GALNTL6: variants seen among roughly 807,000 people sequenced by gnomAD.
GALNTL6 encodes polypeptide N-acetylgalactosaminyltransferase like 6, also known as polypeptide N-acetylgalactosaminyltransferase-like 6.
GALNTL6 carries 46 observed loss-of-function variants against 73.7 expected under a neutral mutation model. The observed-to-expected ratio is 0.62, with a 90% CI of 0.49 to 0.80. The LOEUF (loss-of-function observed/expected upper bound fraction) is 0.80. Ranked by LOEUF, GALNTL6 falls within the 30% of genes least tolerant of loss-of-function variation. The pLI is 0.00. For synonymous variants in GALNTL6, 259 were observed against 263.7 expected (o/e 0.98, Z 0.17); for missense variants, 604 against 755.0 (o/e 0.80, Z 2.34).
chr4:172,558,204 G>C (rs1163792135), intron 5 of GALNTL6, among the ~76,000 whole-genome samples: 2 of 152,184 alleles, frequency 1.3e-5, no homozygotes, highest in Non-Finnish European at 2.9e-5. Flanking sequence ...GTTGCCATTT[G>C]TGTGGGCAAG....
At chr4:172,596,060 A>G (rs1053458346) in intron 5 of GALNTL6, among the ~76,000 whole-genome samples, 5 of 152,216 alleles carry the variant, frequency 3.3e-5, no homozygotes, top group African/African-American at 1.2e-4. Context: ...TTACTATTAC[A>G]TTTTAAATAC....
chr4:172,413,371 G>T (rs1744513001), intron 5 of GALNTL6, among the ~76,000 whole-genome samples: 1 of 152,108 alleles, frequency 6.6e-6, no homozygotes, highest in South Asian at 2.1e-4. Flanking sequence ...TCATAACATT[G>T]CCCTAGAGGC....
At chr4:173,009,367 G>A (rs1358342824) in intron 11 of GALNTL6, 73 bp downstream of exon 11, 2 of 905,608 alleles carry the variant, frequency 2.2e-6, no homozygotes, top group Non-Finnish European at 3.7e-6. Context: ...GGATGCAGCT[G>A]GAACAAATCT....
At chr4:172,707,702 G>A (rs1473808186) in intron 5 of GALNTL6, among the ~76,000 whole-genome samples, 1 of 152,084 alleles carries the variant, frequency 6.6e-6, no homozygotes. Flanking sequence ...GGGAGATTAG[G>A]CTCAACTCCA....
chr4:172,246,038 T>G (rs1257914592), intron 3 of GALNTL6, among the ~76,000 whole-genome samples: 3 of 152,122 alleles, frequency 2.0e-5, no homozygotes, highest in Non-Finnish European at 4.4e-5. Flanking sequence ...AAAGGAAAAT[T>G]TATCTGCCAA....
At chr4:172,741,678 TAA>T (rs1431973320) in intron 5 of GALNTL6, among the ~76,000 whole-genome samples, 2 of 151,842 alleles carry the variant, frequency 1.3e-5, no homozygotes, top group East Asian at 1.9e-4. Context: ...TATATAGATA[TAA>T]GAGGTAATAT....
chr4:172,761,355 G>A (rs918410812), intron 5 of GALNTL6, among the ~76,000 whole-genome samples: 5 of 152,150 alleles, frequency 3.3e-5, no homozygotes, highest in Admixed American at 2.0e-4. Flanking sequence ...CCAATTTAAA[G>A]TAATCAGTAT....
chr4:172,213,863 C>T (rs1736409353), intron 2 of GALNTL6, among the ~76,000 whole-genome samples: 1 of 152,024 alleles, frequency 6.6e-6, no homozygotes. Flanking sequence ...AACTCATCAC[C>T]AAAACTAAGG....
At chr4:172,796,914 A>G (rs1458615479) in intron 5 of GALNTL6, among the ~76,000 whole-genome samples, 2 of 152,138 alleles carry the variant, frequency 1.3e-5, no homozygotes, top group African/African-American at 4.8e-5. Context: ...TTCCTTTCCA[A>G]TTTGTTTTTA....
chr4:172,609,669 G>A lies in GALNTL6; in HGVS notation c.554-199692G>A, dbSNP rs1239950250. 2.7e-5 allele frequency among the ~76,000 whole-genome samples: 4 copies of A among 149,654 alleles called. No homozygotes were observed. The East Asian group carries it at 7.9e-4, about 30-fold the overall frequency. On this transcript the variant is annotated intron_variant, in intron 5 of 12. Transcript: ENST00000506823. ...TGTGTGTGTGTGTGTGTGTGTGTCT[G>A]CCAGGTTTTGGTATCAGGATATGAT... is the stretch of plus-strand genomic sequence containing the variant.
intron 3 of GALNTL6, among the ~76,000 whole-genome samples, chr4:172,259,455 G>GT (rs1164482665): frequency 0.02 from 2,706 of 137,466 alleles, 50 homozygotes; most frequent in African/African-American, 0.051. Flanking sequence ...GGGATTATTT[G>GT]TTTTTTTTTT....
At chr4:171,905,403 T>G (rs557568025) in intron 2 of GALNTL6, among the ~76,000 whole-genome samples, 8 of 152,202 alleles carry the variant, frequency 5.3e-5, no homozygotes, top group African/African-American at 1.7e-4. Context: ...AGAAGGCCAT[T>G]ATATAATGGT....
intron 5 of GALNTL6, among the ~76,000 whole-genome samples, chr4:172,545,306 C>G (rs1197932348): frequency 1.3e-5 from 2 of 152,146 alleles, no homozygotes; most frequent in African/African-American, 2.4e-5. Context: ...ATTTCTTTCA[C>G]TCTGTAAGAG....
intron 5 of GALNTL6, among the ~76,000 whole-genome samples, chr4:172,559,057 G>GTTTTT (rs1356116270): frequency 3.0e-4 from 12 of 40,514 alleles, no homozygotes; most frequent in African/African-American, 4.4e-4. Context: ...AATGATAATG[G>GTTTTT]ATTTTTTTTT....
intron 2 of GALNTL6, among the ~76,000 whole-genome samples, chr4:172,101,924 A>T (rs1732531066): frequency 6.6e-6 from 1 of 152,150 alleles, no homozygotes; most frequent in African/African-American, 2.4e-5. Context: ...AAATATAATT[A>T]AAAAGAATAG....
intron 2 of GALNTL6, among the ~76,000 whole-genome samples, chr4:171,875,589 C>T (rs1300801349): frequency 1.3e-5 from 2 of 152,074 alleles, no homozygotes; most frequent in Admixed American, 1.3e-4. Flanking sequence ...GTGGTTAAAT[C>T]TGTGCTTATT....
intron 10 of GALNTL6, among the ~76,000 whole-genome samples, chr4:172,960,256 C>G (rs1159491384): frequency 6.6e-6 from 1 of 152,100 alleles, no homozygotes; most frequent in Non-Finnish European, 1.5e-5. Context: ...TGGGAGGGGT[C>G]AGATAAAGAA....
chr4:172,377,594 C>G (rs1743080944), intron 5 of GALNTL6, among the ~76,000 whole-genome samples: 1 of 152,156 alleles, frequency 6.6e-6, no homozygotes, highest in African/African-American at 2.4e-5. Context: ...GGGGCCGGTG[C>G]CCATCAGGGA....
chr4:172,522,240 T>C (rs893401994), intron 5 of GALNTL6, among the ~76,000 whole-genome samples: 1 of 152,218 alleles, frequency 6.6e-6, no homozygotes, highest in Non-Finnish European at 1.5e-5. Flanking sequence ...TATATAAGAA[T>C]TACTTTTCAC....
Sources: gnomAD v4.1 joint callset for allele counts (sites outside exome capture counted in the v4.1 genomes callset) on GRCh38, gnomAD v4.1.1 for gene constraint, MANE v1.5 for transcripts, NCBI Gene and HGNC (gene_info 2026-07-23, HGNC 2026-07-21) for gene names.